SMPDL3B: variants seen among roughly 807,000 people sequenced by gnomAD.
SMPDL3B encodes sphingomyelin phosphodiesterase acid like 3B, also known as acid sphingomyelinase-like phosphodiesterase 3b.
In SMPDL3B, 31 loss-of-function variants were observed where a neutral mutation model predicts 37.9. The ratio of observed to expected loss-of-function variants is 0.82; its 90% confidence interval spans 0.61 to 1.10. The LOEUF is 1.10. Among genes scored for constraint, SMPDL3B ranks in the 50% least tolerant of loss-of-function variants. The pLI is 0.00. For missense variants in SMPDL3B, 525 were observed against 597.8 expected (o/e 0.88, Z 1.27); for synonymous variants, 235 against 242.6 (o/e 0.97, Z 0.29).
chr1:27,953,562 CTGA>C (rs950629886), intron 4 of SMPDL3B, among the ~76,000 whole-genome samples: 3 of 152,220 alleles, frequency 2.0e-5, no homozygotes, highest in Admixed American at 6.5e-5. Context: ...CCCCACGACA[CTGA>C]TGATGCTCCT....
intron 1 of SMPDL3B, among the ~76,000 whole-genome samples, chr1:27,937,004 G>C (rs1176522352): frequency 6.7e-6 from 1 of 148,804 alleles, no homozygotes; most frequent in Non-Finnish European, 1.5e-5. Context: ...CTGGGCGACA[G>C]AGTGAGGCTC....
Position 27,959,047 on chromosome 1 carries a change from A to C in SMPDL3B, c.*209A>C. ...GTGACAAAGCCAGACTCTCTCCAAAAACAAACCAGAAACAGAAAAGAAATG... is the reference window on the plus strand; with the variant it reads ...GTGACAAAGCCAGACTCTCTCCAAACACAAACCAGAAACAGAAAAGAAATG... On this transcript the variant is annotated 3_prime_UTR_variant, in exon 8 of 8. Transcript: ENST00000373894. The C allele has an allele frequency of 1.7e-6, 1 of 572,778 alleles. No individual in the cohort carries two copies. The allele number at this position is 572,778 out of a possible 1,614,324, so 35.5% of individuals were successfully genotyped here.
chr1:27,946,996 A>G (rs1413617523), intron 2 of SMPDL3B, among the ~76,000 whole-genome samples: 1 of 150,654 alleles, frequency 6.6e-6, no homozygotes, highest in Non-Finnish European at 1.5e-5. Flanking sequence ...ATTCAGACAG[A>G]TGGGATCCCT....
chr1:27,953,327 T>C lies in SMPDL3B; in HGVS notation c.486T>C (p.Leu162=), dbSNP rs779670190. 2 of 1,613,862 alleles carry C rather than the reference T, an allele frequency of 1.2e-6. No homozygotes were observed. The highest frequency in any genetic ancestry group is 1.1e-5 in the South Asian group (1 of 91,044). ...NQIAELWKPW[L]SNESIALFKK... Reference sequence around the variant, plus strand: ...TAGCAGAACTATGGAAACCCTGGCTTAGTAATGAGTCCATCGCTCTCTTCA... The same window carrying C: ...TAGCAGAACTATGGAAACCCTGGCTCAGTAATGAGTCCATCGCTCTCTTCA... Residue 162 remains leucine, a synonymous_variant, in exon 4 of 8, where the codon CTT becomes CTC. Coordinates refer to ENST00000373894, the MANE Select transcript of SMPDL3B (RefSeq NM_014474.4).
chr1:27,951,847 A>G (rs997196099), intron 3 of SMPDL3B, among the ~76,000 whole-genome samples: 4 of 152,334 alleles, frequency 2.6e-5, no homozygotes, highest in African/African-American at 9.6e-5. Flanking sequence ...AGACCCTGTC[A>G]TGCAGGGCCC....
At chr1:27,955,587 C>CT in intron 5 of SMPDL3B, 97 bp from the exon 6 acceptor site, 1 of 1,255,580 alleles carries the variant, frequency 8.0e-7, no homozygotes, top group Non-Finnish European at 1.1e-6. Context: ...TTGGGCCTGT[C>CT]TACCTGCCTT....
rs538613404 is a variant in SMPDL3B, at chr1:27,938,618, A to G, written c.61+3374A>G. Among the ~76,000 whole-genome samples the G allele has an allele frequency of 2.6e-5, 4 of 152,378 alleles. No individual in the cohort carries two copies. The East Asian group carries it at 7.7e-4, about 29-fold the overall frequency. On this transcript the variant is annotated intron_variant, in intron 1 of 7. Coordinates refer to ENST00000373894, the MANE Select transcript of SMPDL3B (RefSeq NM_014474.4). The stretch of plus-strand genomic sequence containing the variant: ...TAAAAGTTTAAGGAGGCATACACAC[A>G]GATGGTCCCTGACTTACGAAGATTC...
chr1:27,943,032 C>T (rs1287124075), intron 1 of SMPDL3B, among the ~76,000 whole-genome samples: 1 of 152,130 alleles, frequency 6.6e-6, no homozygotes, highest in African/African-American at 2.4e-5. Context: ...TAAACAAAGG[C>T]TCAGTTTGGA....
At chr1:27,935,327 A>G in intron 1 of SMPDL3B, 83 bp downstream of exon 1, 1 of 1,061,452 alleles carries the variant, frequency 9.4e-7, no homozygotes, top group East Asian at 2.5e-5. Context: ...AGCCAGCTTG[A>G]AGGTGCTTCT....
chr1:27,953,231 T>C lies in SMPDL3B; in HGVS notation c.390T>C (p.Ala130=). ...REVFPDTKVY[A]ALGNHDFHPK... is the part of the protein sequence containing the mutation. ...TCTTCCTAGATACTAAAGTCTATGCTGCTTTGGGAAATCATGATTTTCACC... is the reference window on the plus strand; with the variant it reads ...TCTTCCTAGATACTAAAGTCTATGCCGCTTTGGGAAATCATGATTTTCACC... The change falls in exon 4 of 8, where the codon GCT becomes GCC. Residue 130 remains alanine (A), a synonymous_variant. Transcript: ENST00000373894. 6.2e-7 allele frequency: 1 copy of C among 1,613,530 alleles called. No individual in the cohort carries two copies. The highest frequency in any genetic ancestry group is 8.5e-7 in the Non-Finnish European group (1 of 1,179,614).
chr1:27,956,858 G>A (rs540698642), intron 7 of SMPDL3B, among the ~76,000 whole-genome samples: 1 of 152,184 alleles, frequency 6.6e-6, no homozygotes, highest in South Asian at 2.1e-4. Context: ...TTAGATAGGT[G>A]GGAAGGGGAA....
chr1:27,948,111 C>G (rs2090425765), intron 2 of SMPDL3B, among the ~76,000 whole-genome samples: 2 of 152,142 alleles, frequency 1.3e-5, no homozygotes, highest in South Asian at 4.1e-4. Flanking sequence ...CCACCACTTT[C>G]TAGTGGTGTA....
At chr1:27,944,643 A>T (rs2090391167) in intron 1 of SMPDL3B, among the ~76,000 whole-genome samples, 1 of 151,890 alleles carries the variant, frequency 6.6e-6, no homozygotes, top group Admixed American at 6.6e-5. Flanking sequence ...GGCATGAACC[A>T]CTGCACCCGG....
rs2090469101 is a variant in SMPDL3B, at chr1:27,953,275, C to T, written c.434C>T (p.Ala145Val). 6.2e-7 allele frequency: 1 copy of T among 1,613,484 alleles called. No individual in the cohort carries two copies. The highest frequency in any genetic ancestry group is 1.3e-5 in the African/African-American group (1 of 75,012). The change falls in exon 4 of 8, where the codon GCT becomes GTT. Residue 145 changes from alanine to valine, a missense_variant. Coordinates refer to ENST00000373894, the MANE Select transcript of SMPDL3B (RefSeq NM_014474.4). ...HDFHPKNQFP[A>V]GSNNIYNQIA... ...TTTCACCCCAAAAACCAGTTCCCAG[C>T]TGGAAGTAACAACATCTACAATCAG... is the stretch of plus-strand genomic sequence containing the variant.
rs544345081 is a variant in SMPDL3B at position 27,958,630 on chromosome 1, G to C, written c.1160G>C (p.Ser387Thr). The change falls in exon 8 of 8, where the codon AGC becomes ACC. Residue 387 changes from serine (S) to threonine (T), a missense_variant. Coordinates refer to ENST00000373894, the MANE Select transcript of SMPDL3B (RefSeq NM_014474.4). The surrounding 1 kb of genome is among the most constrained non-coding windows in gnomAD (Gnocchi z 5.6). ...TVLDRIAGDQ[S>T]TLQRYYVYNS... ...CTGGACCGCATCGCTGGCGACCAGA[G>C]CACACTGCAGCGCTACTACGTCTAT... 2.0e-5 allele frequency: 33 copies of C among 1,613,732 alleles called. No homozygotes were observed. In the Middle Eastern group the frequency reaches 6.6e-4, roughly 32 times the overall value.
intron 1 of SMPDL3B, among the ~76,000 whole-genome samples, chr1:27,935,679 C>T (rs575593311): frequency 2.2e-4 from 33 of 152,186 alleles, no homozygotes; most frequent in Middle Eastern, 3.4e-3. Context: ...AAGTAAAGTA[C>T]GCAGCATTGG....
chr1:27,940,407 G>A (rs994456879), intron 1 of SMPDL3B, among the ~76,000 whole-genome samples: 3 of 151,384 alleles, frequency 2.0e-5, no homozygotes, highest in Non-Finnish European at 4.4e-5. Context: ...GAACCCCCCA[G>A]GAACCAAATG....
chr1:27,954,344 G>T lies in SMPDL3B; in HGVS notation c.518-10G>T, dbSNP rs1218833113. 1 of 1,611,892 alleles carries T rather than the reference G, an allele frequency of 6.2e-7. No individual in the cohort carries two copies. The highest frequency in any genetic ancestry group is 1.7e-5 in the Admixed American group (1 of 59,894). ...GGGGGCCTCCTTCATATTGTCCCTG[G>T]CTGTGACAGGTGCCTTCTACTGTGA... On this transcript the variant is annotated splice_polypyrimidine_tract_variant and intron_variant, in intron 4 of 7. Coordinates refer to ENST00000373894, the MANE Select transcript of SMPDL3B (RefSeq NM_014474.4).
chr1:27,949,313 C>T (rs778724545), intron 3 of SMPDL3B, 151 bp downstream of exon 3: 3 of 787,718 alleles, frequency 3.8e-6, no homozygotes, highest in Non-Finnish European at 6.3e-6. Flanking sequence ...GACCATTTCT[C>T]ACCTTCCTAA....
Sources: allele counts gnomAD v4.1 joint callset (sites outside exome capture counted in the v4.1 genomes callset), GRCh38; gene constraint gnomAD v4.1.1; non-coding constraint Gnocchi (gnomAD v3.1); transcripts MANE v1.5; gene names NCBI Gene and HGNC (gene_info 2026-07-23, HGNC 2026-07-21).